Variants in TTC9 observed in about 807,000 individuals in gnomAD.
TTC9 encodes tetratricopeptide repeat protein 9A.
A neutral mutation model predicts 22.9 loss-of-function variants in TTC9; 13 were observed. The ratio of observed to expected loss-of-function variants is 0.57; its 90% CI spans 0.37 to 0.90. The LOEUF is 0.90. Ranked by LOEUF, TTC9 falls within the 40% of genes least tolerant of loss-of-function variation. The probability of loss-of-function intolerance (pLI) is 0.01; values close to 1 mark genes in which losing one functional copy is unlikely to be tolerated. For missense variants in TTC9, 280 were observed against 291.8 expected, an observed-to-expected ratio of 0.96 and a Z score of 0.29; for synonymous variants, 148 against 133.2, an observed-to-expected ratio of 1.11 and a Z score of -0.77.
Position 70,641,917 on chromosome 14 carries a change from T to G in TTC9, c.-213T>G. 1 of 181,308 alleles carries G rather than the reference T, an allele frequency of 5.5e-6. No individual in the cohort carries two copies. The highest frequency in any genetic ancestry group is 1.1e-5 in the Non-Finnish European group (1 of 94,918). The allele number at this position is 181,308 out of a possible 1,614,324, so 11.2% of individuals were successfully genotyped here. ...CCGGGAGGCGGGGGAGGGGCCGGCG[T>G]CCGAGGCGGCGGCGGCGGCGGCTGG... On this transcript the variant is annotated 5_prime_UTR_variant, in exon 1 of 3. Coordinates refer to ENST00000256367, the MANE Select transcript of TTC9 (RefSeq NM_015351.2).
Position 70,671,057 on chromosome 14 carries a change from T to C in TTC9, c.590-19T>C. 6.2e-7 allele frequency: 1 copy of C among 1,611,884 alleles called. No individual in the cohort carries two copies. The highest frequency in any genetic ancestry group is 8.5e-7 in the Non-Finnish European group (1 of 1,178,316). On this transcript the variant is annotated intron_variant, in intron 2 of 2. Transcript: ENST00000256367. ...TGCCCTCACCTGGTGTTCCCTAAGG[T>C]TTATTTCTCTCCTCACAGACACCAA...
intron 1 of TTC9, among the ~76,000 whole-genome samples, chr14:70,654,628 A>T (rs1320398490): frequency 6.8e-6 from 1 of 146,458 alleles, no homozygotes; most frequent in Non-Finnish European, 1.5e-5. Flanking sequence ...AAAAATTCTA[A>T]TTACAAAAGT....
chr14:70,662,124 T>G (rs913214552), intron 1 of TTC9, among the ~76,000 whole-genome samples: 2 of 152,198 alleles, frequency 1.3e-5, no homozygotes, highest in Non-Finnish European at 2.9e-5. Flanking sequence ...TAATATTTCT[T>G]TCAATGGAGC....
chr14:70,654,623 T>C (rs1221502829), intron 1 of TTC9, among the ~76,000 whole-genome samples: 1 of 92,806 alleles, frequency 1.1e-5, no homozygotes, highest in Admixed American at 1.2e-4. Context: ...AAAAAAAAAA[T>C]TCTAATTACA....
At chr14:70,650,049 C>T (rs933409037) in intron 1 of TTC9, among the ~76,000 whole-genome samples, 26 of 152,142 alleles carry the variant, frequency 1.7e-4, no homozygotes, top group African/African-American at 6.3e-4. Context: ...TCCTCCCTTG[C>T]TTTAGGGTGT....
rs1241752251 is a variant in TTC9, at chr14:70,642,258, G to C, written c.129G>C (p.Gln43His). ...GGGGGAPARG[Q>H]VGAAAEPAEL... ...GCGGAGGAGCCCCAGCGAGGGGCCA[G>C]GTCGGGGCGGCGGCCGAGCCGGCCG... The change falls in exon 1 of 3, where the codon CAG (glutamine) becomes CAC (histidine). Residue 43 changes from glutamine to histidine, a missense_variant. This residue lies in a region of TTC9 where 165 missense variants were observed against 145.4 expected (regional missense o/e 1.14). Coordinates refer to ENST00000256367, the MANE Select transcript of TTC9 (RefSeq NM_015351.2). The C allele has an allele frequency of 2.7e-6, 4 of 1,490,064 alleles. No individual in the cohort carries two copies. Among genetic ancestry groups the C allele is most frequent in the South Asian group, 2.6e-5 (2 of 77,910 alleles). The allele number at this position is 1,490,064 out of a possible 1,614,324, so 92.3% of individuals were successfully genotyped here.
In TTC9 at chr14:70,674,543, G is replaced by A. The variant is rs1051133092; in HGVS notation, c.*3388G>A. ...CCTACACAGATACAAAATTCAAAAAGTACAAACTGCTCTGTAGTCAGAAGT... is the reference window on the plus strand; with the variant it reads ...CCTACACAGATACAAAATTCAAAAAATACAAACTGCTCTGTAGTCAGAAGT... On this transcript the variant is annotated 3_prime_UTR_variant, in exon 3 of 3. Transcript: ENST00000256367. 1 of 152,154 alleles carries A rather than the reference G, an allele frequency of 6.6e-6. No homozygotes were observed. The highest frequency in any genetic ancestry group is 1.5e-5 in the Non-Finnish European group (1 of 68,016). 9.4% of individuals were successfully genotyped at this position (152,154 alleles called of 1,614,324 possible).
chr14:70,664,109 C>G lies in TTC9; in HGVS notation c.407-3455C>G, dbSNP rs777839536. Among the ~76,000 whole-genome samples, 4 of 152,032 alleles carry G rather than the reference C, an allele frequency of 2.6e-5. No individual in the cohort carries two copies. In the East Asian group the frequency reaches 7.7e-4, roughly 29 times the overall value. ...TGTGAAGTATTTAGCACCTCTGACA[C>G]CAGAGAAGGGATTAATAACCATGAG... On this transcript the variant is annotated intron_variant, in intron 1 of 2. Coordinates refer to ENST00000256367, the MANE Select transcript of TTC9 (RefSeq NM_015351.2).
Position 70,671,196 on chromosome 14 carries a change from G to C in TTC9, c.*41G>C. The C allele has an allele frequency of 2.6e-6, 4 of 1,562,322 alleles. No homozygotes were observed. Among genetic ancestry groups the C allele is most frequent in the Non-Finnish European group, 3.5e-6 (4 of 1,135,760 alleles). On this transcript the variant is annotated 3_prime_UTR_variant, in exon 3 of 3. Transcript: ENST00000256367. ...AGAGCTGCGCCCACGCCTGACCGGG[G>C]ACTTCCAGGCATCCCCTGGCAGAGA...
At chr14:70,650,402 G>A (rs1310696168) in intron 1 of TTC9, among the ~76,000 whole-genome samples, 1 of 149,582 alleles carries the variant, frequency 6.7e-6, no homozygotes, top group Non-Finnish European at 1.5e-5. Context: ...CAGCCTGGGC[G>A]ACAGAGCAGG....
intron 1 of TTC9, among the ~76,000 whole-genome samples, chr14:70,647,050 A>G (rs1037293846): frequency 1.3e-5 from 2 of 152,174 alleles, no homozygotes; most frequent in African/African-American, 4.8e-5. Flanking sequence ...GGTGTTTTGC[A>G]TTTGCTATTT....
intron 1 of TTC9, among the ~76,000 whole-genome samples, chr14:70,665,470 G>A (rs1366622770): frequency 5.9e-5 from 9 of 152,192 alleles, no homozygotes; most frequent in African/African-American, 1.9e-4. Flanking sequence ...GAGGGGAGGG[G>A]GGCTTGTAGC....
chr14:70,643,129 G>A (rs1043154703), intron 1 of TTC9, among the ~76,000 whole-genome samples: 20 of 152,184 alleles, frequency 1.3e-4, no homozygotes, highest in Admixed American at 2.6e-4. Flanking sequence ...TGGGGCTCCC[G>A]GTTGCCAGGT....
intron 2 of TTC9, among the ~76,000 whole-genome samples, chr14:70,668,582 G>A (rs1886248102): frequency 6.6e-6 from 1 of 152,240 alleles, no homozygotes. Flanking sequence ...TGGGCGTGGT[G>A]GCTCATGCCT....
intron 1 of TTC9, among the ~76,000 whole-genome samples, chr14:70,655,146 C>G (rs1375178299): frequency 1.3e-5 from 2 of 152,216 alleles, no homozygotes; most frequent in Non-Finnish European, 2.9e-5. Context: ...GTAATCCCAG[C>G]ACTTTGGGAG....
chr14:70,671,362 G>T lies in TTC9; in HGVS notation c.*207G>T. On this transcript the variant is annotated 3_prime_UTR_variant, in exon 3 of 3. Transcript: ENST00000256367. ...GAATCTGGTAGGTCGCCCAGACAAT[G>T]GAGACATCCTCTCCTCTAGCAGGTC... 2.0e-6 allele frequency: 1 copy of T among 489,352 alleles called. No individual in the cohort carries two copies. Among genetic ancestry groups the T allele is most frequent in the Admixed American group, 3.3e-5 (1 of 30,398 alleles). 30.3% of individuals were successfully genotyped at this position (489,352 alleles called of 1,614,324 possible).
At position 70,663,848 on chromosome 14, in the gene TTC9, G is replaced by A. The variant is rs75851011; in HGVS notation, c.407-3716G>A. Among the ~76,000 whole-genome samples the A allele has an allele frequency of 7.6e-3, 1,154 of 152,230 alleles. 11 individuals are homozygous for A. Among genetic ancestry groups the A allele is most frequent in the African/African-American group, 0.027 (1,115 of 41,522 alleles). ...AGATGACCTCTCTTTCTCCCCAGGG[G>A]CTGTGTGGGTTTCCGATGGCTTCAA... On this transcript the variant is annotated intron_variant, in intron 1 of 2. Coordinates refer to ENST00000256367, the MANE Select transcript of TTC9 (RefSeq NM_015351.2).
intron 1 of TTC9, among the ~76,000 whole-genome samples, chr14:70,657,597 G>C (rs1666176662): frequency 6.6e-6 from 1 of 152,220 alleles, no homozygotes; most frequent in Non-Finnish European, 1.5e-5. Context: ...CCTGGCAGTA[G>C]AAATAGCAGC....
intron 1 of TTC9, among the ~76,000 whole-genome samples, chr14:70,647,167 C>T (rs927759105): frequency 1.3e-5 from 2 of 152,136 alleles, no homozygotes; most frequent in Admixed American, 1.3e-4. Flanking sequence ...GAACACTTTA[C>T]TTATATGAGG....
Sources: allele counts gnomAD v4.1 joint callset (sites outside exome capture counted in the v4.1 genomes callset), GRCh38; gene constraint gnomAD v4.1.1; regional missense constraint gnomAD v4.1.1; transcripts MANE v1.5; gene names NCBI Gene and HGNC (gene_info 2026-07-23, HGNC 2026-07-21).